The following RAPGEFL1 variants were observed in gnomAD, a reference collection of about 807,000 sequenced individuals.
RAPGEFL1 encodes the protein rap guanine nucleotide exchange factor-like 1.
In RAPGEFL1, 31 loss-of-function variants were observed where a neutral mutation model predicts 64.4. The ratio of observed to expected loss-of-function variants is 0.48; its 90% CI spans 0.36 to 0.65. The LOEUF (loss-of-function observed/expected upper bound fraction) is 0.65, where lower values mean the gene tolerates loss of function less well. RAPGEFL1 is among the 30% of genes least tolerant of loss of function. The pLI is 0.00. For synonymous variants in RAPGEFL1, 331 were observed against 274.1 expected, an observed-to-expected ratio of 1.21 and a Z score of -2.05; for missense variants, 682 against 677.4, an observed-to-expected ratio of 1.01 and a Z score of -0.08.
rs769853641 is a variant in RAPGEFL1 at position 40,188,911 on chromosome 17, C to T, written c.879C>T (p.Leu293=). ...CACCCAGCAAGCAGGTGAAGCCACT[C>T]TTCCGCCACTTCCGCCGGATAGACT... The part of the protein sequence containing the change: ...NQPPSKQVKP[L]FRHFRRIDSC... The change falls in exon 5 of 15, where the codon CTC becomes CTT. Residue 293 remains leucine, a synonymous_variant. Coordinates refer to ENST00000620260, the MANE Select transcript of RAPGEFL1 (RefSeq NM_016339.6). 1 of 1,614,232 alleles carries T rather than the reference C, an allele frequency of 6.2e-7. No individual in the cohort carries two copies. The highest frequency in any genetic ancestry group is 1.1e-5 in the South Asian group (1 of 91,088).
chr17:40,185,799 A>AG (rs1360671339), intron 4 of RAPGEFL1, among the ~76,000 whole-genome samples: 23 of 150,526 alleles, frequency 1.5e-4, no homozygotes, highest in African/African-American at 5.1e-4. Context: ...AAAAAAAAAA[A>AG]AAAAGAAAAG....
At position 40,193,849 on chromosome 17, in the gene RAPGEFL1, A is replaced by C. The variant is rs1018928299; in HGVS notation, c.*61A>C. 3.7e-6 allele frequency: 6 copies of C among 1,607,330 alleles called. No individual in the cohort carries two copies. Among genetic ancestry groups the C allele is most frequent in the Non-Finnish European group, 5.1e-6 (6 of 1,176,148 alleles). On this transcript the variant is annotated 3_prime_UTR_variant, in exon 15 of 15. Transcript: ENST00000620260. ...GGCACCTGGCACTCAAGCACTTTGC[A>C]CGATGTCTCAACCAACATCTGACAT...
chr17:40,193,289 T>C, intron 13 of RAPGEFL1, 74 bp from the exon 14 acceptor site: 1 of 1,489,044 alleles, frequency 6.7e-7, no homozygotes, highest in Non-Finnish European at 9.4e-7. Context: ...AGTGGGAGAA[T>C]GGCGGAGGGG....
chr17:40,185,257 T>A (rs1174130944), intron 4 of RAPGEFL1, among the ~76,000 whole-genome samples: 2 of 152,174 alleles, frequency 1.3e-5, no homozygotes, highest in African/African-American at 4.8e-5. Context: ...TGCTGATTCC[T>A]ACAGTGTAAA....
intron 2 of RAPGEFL1, among the ~76,000 whole-genome samples, chr17:40,182,882 A>T (rs192552894): frequency 0.082 from 12,427 of 152,140 alleles, 1,196 homozygotes; most frequent in African/African-American, 0.23. Flanking sequence ...GCACGGTGGC[A>T]TATGACTTTA....
rs777263152 is a variant in RAPGEFL1, at chr17:40,192,669, C to G, written c.1720C>G (p.Pro574Ala). The G allele has an allele frequency of 6.2e-7, 1 of 1,613,838 alleles. No individual in the cohort carries two copies. The highest frequency in any genetic ancestry group is 8.5e-7 in the Non-Finnish European group (1 of 1,179,850). Residue 574 changes from proline (P) to alanine (A), a missense_variant, in exon 12 of 15, where the codon CCC (proline) becomes GCC (alanine). Physicochemically the swap from Pro to Ala is conservative, Grantham distance 27. This residue lies in a region of RAPGEFL1 where 411 missense variants were observed against 519.4 expected (regional missense o/e 0.79). Coordinates refer to ENST00000620260, the MANE Select transcript of RAPGEFL1 (RefSeq NM_016339.6). Reference protein sequence around the residue: ...VISKMKPPVIPFVPLILKDLT... With the variant: ...VISKMKPPVIAFVPLILKDLT... The stretch of plus-strand genomic sequence containing the variant: ...CTCCAAAATGAAGCCCCCTGTGATT[C>G]CCTTCGTGCCTCTGATCCTCAAAGG...
At chr17:40,192,185 T>G (rs1361613294) in intron 10 of RAPGEFL1, 28 bp from the exon 11 acceptor site, 1 of 1,608,072 alleles carries the variant, frequency 6.2e-7, no homozygotes, top group East Asian at 2.2e-5. Context: ...CACTCTGATA[T>G]CCCTTCTCCT....
rs1263268028 is a variant in RAPGEFL1, at chr17:40,177,676, C to G, written c.-186C>G. ...CGAGCACTCCTTTCCTCTGGCACCT[C>G]CCCCGGCTACTGGCCACTGGACTCT... On this transcript the variant is annotated 5_prime_UTR_variant, in exon 1 of 15. Transcript: ENST00000620260. 4.9e-6 allele frequency: 2 copies of G among 410,276 alleles called. No homozygotes were observed. Among genetic ancestry groups the G allele is most frequent in the East Asian group, 7.2e-5 (2 of 27,884 alleles). 25.4% of individuals were successfully genotyped at this position (410,276 alleles called of 1,614,324 possible).
At position 40,191,274 on chromosome 17, in the gene RAPGEFL1, C is replaced by T. The variant is rs1990252018; in HGVS notation, c.1336-42C>T. ...GCCATCTTCCCACCCACTCCCCTCA[C>T]CCCCTGGCGCCCTGGCCGCCCCTCC... On this transcript the variant is annotated intron_variant, in intron 8 of 14. Transcript: ENST00000620260. The surrounding 1 kb of genome is among the most constrained non-coding windows in gnomAD (Gnocchi z 5.1). 2 of 1,509,108 alleles carry T rather than the reference C, an allele frequency of 1.3e-6. No individual in the cohort carries two copies. The highest frequency in any genetic ancestry group is 1.2e-5 in the South Asian group (1 of 80,148). 93.5% of individuals were successfully genotyped at this position (1,509,108 alleles called of 1,614,324 possible).
Position 40,195,374 on chromosome 17 carries a change from C to G in RAPGEFL1, c.*1586C>G, listed in dbSNP as rs3744806. On this transcript the variant is annotated 3_prime_UTR_variant, in exon 15 of 15. Transcript: ENST00000620260. ...CCCTCCCTGCTACTGCTGATGCACTCTCCTCTCCCTGCAGCCCCTGGCTTC... is the reference window on the plus strand; with the variant it reads ...CCCTCCCTGCTACTGCTGATGCACTGTCCTCTCCCTGCAGCCCCTGGCTTC... 0.35 allele frequency: 53,973 copies of G among 154,208 alleles called. 10,190 individuals are homozygous for G. Among genetic ancestry groups the G allele is most frequent in the African/African-American group, 0.5 (20,676 of 41,376 alleles). 9.6% of individuals were successfully genotyped at this position (154,208 alleles called of 1,614,324 possible). A position where few individuals can be genotyped will look rare whatever the true frequency, so the allele number is the denominator to read the frequency against.
intron 4 of RAPGEFL1, 36 bp from the exon 5 acceptor site, chr17:40,188,830 G>T: frequency 6.4e-7 from 1 of 1,556,732 alleles, no homozygotes. Flanking sequence ...CATATGCCTG[G>T]CAGGGCGTGC....
At position 40,190,749 on chromosome 17, in the gene RAPGEFL1, G is replaced by T. The variant is rs557476181; in HGVS notation, c.1322G>T (p.Arg441Leu). ...ACTGCCTTCCACTGGGAGCTGTTCC[G>T]ATGTGTGCATGAGGTGGGGACCGAG... The part of the protein sequence containing the change: ...HLTAFHWELF[R>L]CVHELEFVDY... The change falls in exon 8 of 15, where the codon CGA becomes CTA. Residue 441 changes from arginine to leucine, a missense_variant. Transcript: ENST00000620260. 10 of 1,614,054 alleles carry T rather than the reference G, an allele frequency of 6.2e-6. No individual in the cohort carries two copies. The South Asian group carries it at 8.8e-5, about 14-fold the overall frequency.
Position 40,190,653 on chromosome 17 carries a change from A to T in RAPGEFL1, c.1226A>T (p.Glu409Val), listed in dbSNP as rs1990227909. ...GCCTGCCACCAGGTGCCCCTCCCCGAGGAGATCCAGGTCTCCCCTGGAGAC... is the reference window on the plus strand; with the variant it reads ...GCCTGCCACCAGGTGCCCCTCCCCGTGGAGATCCAGGTCTCCCCTGGAGAC... The part of the protein sequence containing the change: ...DSYEALVPLP[E>V]EIQVSPGDTE... The change falls in exon 8 of 15, where the codon GAG becomes GTG. Residue 409 changes from glutamate (E) to valine (V), a missense_variant. This residue lies in a region of RAPGEFL1 where 411 missense variants were observed against 519.4 expected (regional missense o/e 0.79). Coordinates refer to ENST00000620260, the MANE Select transcript of RAPGEFL1 (RefSeq NM_016339.6). The T allele has an allele frequency of 6.2e-7, 1 of 1,614,084 alleles. No homozygotes were observed. The highest frequency in any genetic ancestry group is 1.3e-5 in the African/African-American group (1 of 75,032).
In RAPGEFL1 at chr17:40,185,800, A is replaced by G. The variant is rs991961592; in HGVS notation, c.833+1122A>G. Among the ~76,000 whole-genome samples the G allele has an allele frequency of 6.0e-5, 9 of 149,370 alleles. No homozygotes were observed. The South Asian group carries it at 6.3e-4, about 10-fold the overall frequency. Reference sequence around the variant, plus strand: ...TTCTGTCTCAAAAAAAAAAAAAAAAAAAAGAAAAGAAAAATTAGCTGGGGG... The same window carrying G: ...TTCTGTCTCAAAAAAAAAAAAAAAAGAAAGAAAAGAAAAATTAGCTGGGGG... On this transcript the variant is annotated intron_variant, in intron 4 of 14. Coordinates refer to ENST00000620260, the MANE Select transcript of RAPGEFL1 (RefSeq NM_016339.6).
rs546058105 is a variant in RAPGEFL1 at position 40,193,599 on chromosome 17, C to T, written c.1865-65C>T. 2.0e-5 allele frequency: 32 copies of T among 1,610,312 alleles called. No homozygotes were observed. The East Asian group carries it at 2.0e-4, about 10-fold the overall frequency. ...TCAGTCCACAGCCTGATCTTCTGCC[C>T]GGTGTGTGTGTAGAGGAAGAAGGGA... is the stretch of plus-strand genomic sequence containing the variant. On this transcript the variant is annotated intron_variant, in intron 14 of 14. Transcript: ENST00000620260.
At chr17:40,189,649 A>T (rs1398113902) in intron 6 of RAPGEFL1, among the ~76,000 whole-genome samples, 1 of 152,062 alleles carries the variant, frequency 6.6e-6, no homozygotes, top group Non-Finnish European at 1.5e-5. Flanking sequence ...TGCACCTGTG[A>T]ATAGGCACTG....
intron 13 of RAPGEFL1, 61 bp downstream of exon 13, chr17:40,193,051 C>A: frequency 7.1e-7 from 1 of 1,418,064 alleles, no homozygotes; most frequent in Non-Finnish European, 1.0e-6. Context: ...TCCTCTCCCT[C>A]TCTCATCACC....
chr17:40,191,753 G>A lies in RAPGEFL1; in HGVS notation c.1605+81G>A. 2 of 1,387,954 alleles carry A rather than the reference G, an allele frequency of 1.4e-6. No homozygotes were observed. Among genetic ancestry groups the A allele is most frequent in the African/African-American group, 1.4e-5 (1 of 70,034 alleles). 86.0% of individuals were successfully genotyped at this position (1,387,954 alleles called of 1,614,324 possible). ...AGTGCGTCCTCCCGGGACGGCCGCC[G>A]GCCTGGAGGGAGTCTTTGCGCCAGT... On this transcript the variant is annotated intron_variant, in intron 10 of 14. Coordinates refer to ENST00000620260, the MANE Select transcript of RAPGEFL1 (RefSeq NM_016339.6). This position sits in a 1 kb window ranked among gnomAD's most constrained non-coding sequence, Gnocchi z 5.1.
intron 7 of RAPGEFL1, 22 bp downstream of exon 7, chr17:40,190,553 G>C (rs1350996537): frequency 6.2e-7 from 1 of 1,614,028 alleles, no homozygotes; most frequent in East Asian, 2.2e-5. Context: ...CCAAGGCCTT[G>C]ACTGGAATGG....
Sources: allele counts gnomAD v4.1 joint callset (sites outside exome capture counted in the v4.1 genomes callset), GRCh38; gene constraint gnomAD v4.1.1; regional missense constraint gnomAD v4.1.1; non-coding constraint Gnocchi (gnomAD v3.1); transcripts MANE v1.5; gene names NCBI Gene and HGNC (gene_info 2026-07-23, HGNC 2026-07-21).